Variants in DIAPH2 observed in about 807,000 individuals in gnomAD.
DIAPH2 encodes protein diaphanous homolog 2.
Under a neutral mutation model 92.7 loss-of-function variants are expected in DIAPH2, and 35 were observed. The observed-to-expected ratio is 0.38, with a 90% CI of 0.29 to 0.50. The LOEUF (loss-of-function observed/expected upper bound fraction) is 0.50, where lower values mean the gene tolerates loss of function less well. Among genes scored for constraint, DIAPH2 ranks in the 20% least tolerant of loss-of-function variants. DIAPH2 has a pLI of 0.94. For missense variants in DIAPH2, 701 were observed against 819.5 expected (o/e 0.86, Z 1.77); for synonymous variants, 301 against 280.4 (o/e 1.07, Z -0.73).
chrX:96,955,075 G>A (rs1042170920), intron 15 of DIAPH2, among the ~76,000 whole-genome samples: 6 of 112,122 alleles, frequency 5.4e-5, no homozygotes, highest in East Asian at 2.8e-4. Flanking sequence ...GTATTAGTCC[G>A]TTCTCACACT....
intron 4 of DIAPH2, among the ~76,000 whole-genome samples, chrX:96,759,500 G>T (rs1405095218): frequency 8.9e-6 from 1 of 111,745 alleles, no homozygotes; most frequent in Admixed American, 9.5e-5. Context: ...GTGATGCATA[G>T]GGTTTTACTT....
intron 26 of DIAPH2, among the ~76,000 whole-genome samples, chrX:97,472,934 GT>G (rs1180779985): frequency 2.7e-5 from 3 of 111,737 alleles, no homozygotes; most frequent in African/African-American, 9.8e-5. Context: ...CTCTATCCTG[GT>G]TTATGTTATT....
intron 24 of DIAPH2, among the ~76,000 whole-genome samples, chrX:97,367,071 T>G: frequency 9.0e-6 from 1 of 111,664 alleles, no homozygotes; most frequent in East Asian, 2.8e-4. Context: ...CTAAATCCTC[T>G]TATAAGTTAT....
At chrX:97,203,927 CAT>C (rs1264473319) in intron 22 of DIAPH2, among the ~76,000 whole-genome samples, 3 of 111,945 alleles carry the variant, frequency 2.7e-5, no homozygotes, top group African/African-American at 9.7e-5. Flanking sequence ...TCCTCAATAA[CAT>C]ATTGGTAAAC....
chrX:97,456,749 CTCATGAACCCAGCTTCCACAATGATCAAT>C (rs1194999788), intron 26 of DIAPH2, among the ~76,000 whole-genome samples: 3 of 111,350 alleles, frequency 2.7e-5, no homozygotes, highest in South Asian at 7.7e-4. Flanking sequence ...ATAAAAAAAA[CTCATGAACCCAGCTTCCACAATGATCAAT>C]TCATGATCAA....
intron 26 of DIAPH2, among the ~76,000 whole-genome samples, chrX:97,441,380 G>C (rs754756044): frequency 9.0e-6 from 1 of 110,742 alleles, no homozygotes; most frequent in South Asian, 3.9e-4. Context: ...ATTGCATTGA[G>C]TTCTCAAGTG....
At chrX:97,331,034 A>G (rs996537574) in intron 23 of DIAPH2, among the ~76,000 whole-genome samples, 2 of 110,899 alleles carry the variant, frequency 1.8e-5, no homozygotes, top group African/African-American at 6.6e-5. Flanking sequence ...TGAAATATAT[A>G]TGGTTCCTAA....
At chrX:96,935,511 G>A (rs1004320018) in intron 10 of DIAPH2, among the ~76,000 whole-genome samples, 2 of 110,927 alleles carry the variant, frequency 1.8e-5, no homozygotes, top group Admixed American at 9.6e-5. Flanking sequence ...TTTGCTATAC[G>A]TATTTTGCTT....
chrX:97,278,810 A>G (rs2068472780), intron 23 of DIAPH2, among the ~76,000 whole-genome samples: 1 of 112,338 alleles, frequency 8.9e-6, no homozygotes, highest in Admixed American at 9.5e-5. Flanking sequence ...TAAGAATCAC[A>G]GACACTGAGA....
intron 17 of DIAPH2, among the ~76,000 whole-genome samples, chrX:97,022,948 C>T (rs1446902533): frequency 1.8e-5 from 2 of 111,206 alleles, no homozygotes; most frequent in Admixed American, 9.6e-5. Flanking sequence ...ACTTGGGAGG[C>T]TGTGGCGGGA....
At chrX:96,716,631 C>T (rs1259718783) in intron 1 of DIAPH2, among the ~76,000 whole-genome samples, 2 of 110,992 alleles carry the variant, frequency 1.8e-5, no homozygotes, top group Non-Finnish European at 3.8e-5. Flanking sequence ...GGTTACCTCC[C>T]GTCCCTCTCT....
At chrX:97,354,869 T>G (rs1012213983) in intron 24 of DIAPH2, among the ~76,000 whole-genome samples, 2 of 112,383 alleles carry the variant, frequency 1.8e-5, no homozygotes, top group Admixed American at 9.4e-5. Context: ...AGAGGAACTG[T>G]GTCTCTCAGA....
intron 20 of DIAPH2, among the ~76,000 whole-genome samples, chrX:97,109,154 T>C (rs1203647909): frequency 1.8e-5 from 2 of 111,528 alleles, no homozygotes; most frequent in African/African-American, 6.5e-5. Context: ...TGAGGTCACT[T>C]ACATCTGAAA....
chrX:97,352,762 T>C (rs1460269346), intron 24 of DIAPH2, among the ~76,000 whole-genome samples: 11 of 102,027 alleles, frequency 1.1e-4, no homozygotes, highest in African/African-American at 2.9e-4. Context: ...CCCAGCTACT[T>C]GGGAGGCTGA....
chrX:97,438,562 A>G (rs1159019804), intron 26 of DIAPH2, among the ~76,000 whole-genome samples: 1 of 107,317 alleles, frequency 9.3e-6, no homozygotes, highest in African/African-American at 3.4e-5. Flanking sequence ...TTTTTTGTAG[A>G]GATGGGGTTT....
chrX:97,199,675 A>C (rs1343578767), intron 22 of DIAPH2, among the ~76,000 whole-genome samples: 3 of 111,437 alleles, frequency 2.7e-5, no homozygotes, highest in African/African-American at 9.8e-5. Flanking sequence ...GGCTTGGTGG[A>C]GGAGTAGGGT....
At chrX:97,366,208 A>G (rs2069379778) in intron 24 of DIAPH2, among the ~76,000 whole-genome samples, 1 of 112,005 alleles carries the variant, frequency 8.9e-6, no homozygotes, top group South Asian at 3.8e-4. Flanking sequence ...CTACTGTTCT[A>G]GAAATCTAAT....
At chrX:97,284,184 A>G (rs192070684) in intron 23 of DIAPH2, among the ~76,000 whole-genome samples, 2 of 111,794 alleles carry the variant, frequency 1.8e-5, no homozygotes, top group East Asian at 2.8e-4. Flanking sequence ...TTAATAACCA[A>G]TGCAGCTATC....
chrX:97,106,016 G>A (rs1255311882), intron 20 of DIAPH2, among the ~76,000 whole-genome samples: 1 of 111,139 alleles, frequency 9.0e-6, no homozygotes, highest in Non-Finnish European at 1.9e-5. Context: ...AAGAGCTTAT[G>A]AGCTATAAAG....
Sources: gnomAD v4.1 joint callset for allele counts (sites outside exome capture counted in the v4.1 genomes callset) on GRCh38, gnomAD v4.1.1 for gene constraint, MANE v1.5 for transcripts, NCBI Gene and HGNC (gene_info 2026-07-23, HGNC 2026-07-21) for gene names.